SENP7: variants seen among roughly 807,000 people sequenced by gnomAD.
SENP7 encodes the protein SUMO specific peptidase 7, also known as sentrin-specific protease 7.
Under a neutral mutation model 141.2 loss-of-function variants are expected in SENP7, and 64 were observed. That is an observed-to-expected ratio of 0.45 (90% confidence interval 0.37 to 0.56). The LOEUF (loss-of-function observed/expected upper bound fraction) is 0.56, where lower values mean the gene tolerates loss of function less well. Among genes scored for constraint, SENP7 ranks in the 20% least tolerant of loss-of-function variants. SENP7 has a pLI of 0.00. For missense variants in SENP7, 1,025 were observed against 1,212.2 expected (o/e 0.85, Z 2.29); for synonymous variants, 382 against 426.4 (o/e 0.90, Z 1.28).
At chr3:101,366,256 T>C (rs1559724574) in intron 9 of SENP7, among the ~76,000 whole-genome samples, 174 bp downstream of exon 9, 1 of 152,218 alleles carries the variant, frequency 6.6e-6, no homozygotes, top group East Asian at 1.9e-4. Context: ...ATCGATATTT[T>C]AAAACTCATG....
At chr3:101,493,255 AGGAG>A (rs2065032715) in intron 3 of SENP7, among the ~76,000 whole-genome samples, 1 of 152,162 alleles carries the variant, frequency 6.6e-6, no homozygotes, top group African/African-American at 2.4e-5. Context: ...GGAGGATGGG[AGGAG>A]GGAGAGGAAC....
Position 101,461,033 on chromosome 3 carries a change from T to C in SENP7, c.187-1981A>G, listed in dbSNP as rs534093713. 2.6e-5 allele frequency among the ~76,000 whole-genome samples: 4 copies of C among 151,810 alleles called. No individual in the cohort carries two copies. In the South Asian group the frequency reaches 6.2e-4, roughly 24 times the overall value. The stretch of plus-strand genomic sequence containing the variant: ...GTTTTTAATGGGCAAAGAATGTGAA[T>C]AGATATTTCTCCAAAAAACTACACA... On this transcript the variant is annotated intron_variant, in intron 3 of 23. Coordinates refer to ENST00000394095, the MANE Select transcript of SENP7 (RefSeq NM_020654.5).
intron 6 of SENP7, among the ~76,000 whole-genome samples, chr3:101,376,707 C>T (rs1476069857): frequency 6.6e-6 from 1 of 152,020 alleles, no homozygotes; most frequent in Middle Eastern, 3.4e-3. Flanking sequence ...ATGGGTGCAG[C>T]ACACCAACAT....
intron 4 of SENP7, among the ~76,000 whole-genome samples, chr3:101,418,690 A>AC (rs2061695226): frequency 6.6e-6 from 1 of 151,966 alleles, no homozygotes; most frequent in Non-Finnish European, 1.5e-5. Flanking sequence ...TCTCAAAAAA[A>AC]AAAACCACTT....
intron 4 of SENP7, among the ~76,000 whole-genome samples, chr3:101,419,036 A>T (rs1353112166): frequency 6.6e-6 from 1 of 152,184 alleles, no homozygotes; most frequent in Admixed American, 6.5e-5. Flanking sequence ...TAGAATTCTA[A>T]TATGTGCTAT....
chr3:101,502,987 T>A (rs1559920458), intron 1 of SENP7, among the ~76,000 whole-genome samples: 1 of 148,950 alleles, frequency 6.7e-6, no homozygotes, highest in African/African-American at 2.5e-5. Context: ...ATGTCAAGAA[T>A]AAAAGAAAAA....
At chr3:101,513,212 GGAAAAAAAAAAA>G (rs2065942232), upstream of SENP7, 565 of 135,942 alleles carry the variant, frequency 4.2e-3, 11 homozygotes, top group Middle Eastern at 7.6e-3. Context: ...GGAGGGGAAA[GGAAAAAAAAAAA>G]AAAAAAAAAA....
Position 101,364,965 on chromosome 3 carries a change from G to A in SENP7, c.1345C>T (p.Pro449Ser), listed in dbSNP as rs1211614195. The A allele has an allele frequency of 2.5e-6, 4 of 1,574,402 alleles. No individual in the cohort carries two copies. The highest frequency in any genetic ancestry group is 2.4e-5 in the South Asian group (2 of 81,954). Residue 449 changes from proline (P) to serine (S), a missense_variant, in exon 10 of 24, where the codon CCT becomes TCT. Transcript: ENST00000394095. Reference protein sequence around the residue: ...PIVVSSDEEGPVEHKSSEILK... With the variant: ...PIVVSSDEEGSVEHKSSEILK... ...ATTTCTGAACTTTTATGTTCAACAG[G>A]TCCTTCTTCATCACTGGAAACAACA...
chr3:101,513,130 T>TCTTCTCC lies in SENP7; in HGVS notation c.-7_-1dup, dbSNP rs1171067672. 2 of 1,591,292 alleles carry TCTTCTCC rather than the reference T, an allele frequency of 1.3e-6. No homozygotes were observed. Among genetic ancestry groups the TCTTCTCC allele is most frequent in the Non-Finnish European group, 1.7e-6 (2 of 1,169,254 alleles). ...CGTCGCCCGAGCTTTCTCTTGTCCA[T>TCTTCTCC]CTTCTCCCGCTGCTGAAATTTCAGT... On this transcript the variant is annotated 5_prime_UTR_variant, in exon 1 of 24. Transcript: ENST00000394095.
chr3:101,454,966 G>A (rs1022728557), intron 4 of SENP7, among the ~76,000 whole-genome samples: 34 of 152,156 alleles, frequency 2.2e-4, no homozygotes, highest in African/African-American at 8.2e-4. Flanking sequence ...TTTAATTATT[G>A]AATTAAAATG....
intron 1 of SENP7, among the ~76,000 whole-genome samples, chr3:101,511,426 T>A (rs1193476633): frequency 3.3e-5 from 5 of 152,204 alleles, no homozygotes; most frequent in African/African-American, 1.2e-4. Flanking sequence ...TGATCACACC[T>A]AAAGTTCTGT....
intron 6 of SENP7, among the ~76,000 whole-genome samples, chr3:101,392,036 C>A (rs2107547250): frequency 6.6e-6 from 1 of 152,050 alleles, no homozygotes; most frequent in East Asian, 1.9e-4. Flanking sequence ...TGATAAAAAC[C>A]CTCAAAATAA....
chr3:101,475,007 A>G (rs2064158533), intron 3 of SENP7, among the ~76,000 whole-genome samples: 1 of 152,234 alleles, frequency 6.6e-6, no homozygotes, highest in Non-Finnish European at 1.5e-5. Context: ...ACATGAAGTG[A>G]AAGTGAAGGG....
intron 4 of SENP7, among the ~76,000 whole-genome samples, chr3:101,432,875 A>T (rs1051349145): frequency 6.6e-6 from 1 of 152,218 alleles, no homozygotes; most frequent in African/African-American, 2.4e-5. Context: ...AATGAAGAAC[A>T]TCTACTAGCA....
intron 6 of SENP7, among the ~76,000 whole-genome samples, chr3:101,395,850 T>A (rs996287887): frequency 4.6e-5 from 7 of 152,190 alleles, no homozygotes; most frequent in Non-Finnish European, 1.0e-4. Context: ...TAATATCCTT[T>A]TATAATACTT....
chr3:101,489,474 T>C (rs1030293626), intron 3 of SENP7, among the ~76,000 whole-genome samples: 1 of 152,058 alleles, frequency 6.6e-6, no homozygotes, highest in Non-Finnish European at 1.5e-5. Flanking sequence ...AGATCTACCA[T>C]GCAAACAGAA....
chr3:101,372,123 G>A lies in SENP7; in HGVS notation c.681C>T (p.Gly227=). 2.6e-6 allele frequency: 4 copies of A among 1,529,620 alleles called. No homozygotes were observed. Among genetic ancestry groups the A allele is most frequent in the East Asian group, 2.3e-5 (1 of 43,906 alleles). 94.8% of individuals were successfully genotyped at this position (1,529,620 alleles called of 1,614,324 possible). Residue 227 remains glycine, a synonymous_variant, in exon 7 of 24, where the codon GGC becomes GGT. Coordinates refer to ENST00000394095, the MANE Select transcript of SENP7 (RefSeq NM_020654.5). ...PHKSCYLSER[G]SQRSKTVDDN... is the part of the protein sequence containing the mutation. ...CATCTACTGTCTTACTTCGTTGTGA[G>A]CCCCTGCAAAAGAGAACTGTATTAT...
At chr3:101,442,343 C>T (rs572473920) in intron 4 of SENP7, among the ~76,000 whole-genome samples, 6 of 152,236 alleles carry the variant, frequency 3.9e-5, no homozygotes, top group South Asian at 2.1e-4. Context: ...TGTTTTAGGA[C>T]GAAACTGTTC....
chr3:101,326,408 T>C (rs1305870550), intron 23 of SENP7, among the ~76,000 whole-genome samples: 1 of 152,114 alleles, frequency 6.6e-6, no homozygotes, highest in Non-Finnish European at 1.5e-5. Flanking sequence ...TTACTATATA[T>C]TATCCTTCCT....
Sources: allele counts gnomAD v4.1 joint callset (sites outside exome capture counted in the v4.1 genomes callset), GRCh38; gene constraint gnomAD v4.1.1; transcripts MANE v1.5; gene names NCBI Gene and HGNC (gene_info 2026-07-23, HGNC 2026-07-21).